GDF6: variants seen among roughly 807,000 people sequenced by gnomAD.
GDF6 encodes growth/differentiation factor 6.
In GDF6, 3 loss-of-function variants were observed where a neutral mutation model predicts 32.4. The observed-to-expected ratio is 0.09, with a 90% CI of 0.04 to 0.24. The LOEUF is 0.24. Among genes scored for constraint, GDF6 ranks in the 10% least tolerant of loss-of-function variants. The probability of loss-of-function intolerance (pLI) is 1.00; values close to 1 mark genes in which losing one functional copy is unlikely to be tolerated. For missense variants in GDF6, 589 were observed against 637.9 expected (o/e 0.92, Z 0.83); for synonymous variants, 296 against 295.3 (o/e 1.00, Z -0.03).
chr8:96,160,018 G>T (rs919866057), intron 1 of GDF6, among the ~76,000 whole-genome samples: 1 of 152,138 alleles, frequency 6.6e-6, no homozygotes, highest in Non-Finnish European at 1.5e-5. Flanking sequence ...ACCAACAAGC[G>T]GCAACCACGC....
At chr8:96,155,849 A>G (rs1812652149) in intron 1 of GDF6, among the ~76,000 whole-genome samples, 1 of 152,214 alleles carries the variant, frequency 6.6e-6, no homozygotes, top group Non-Finnish European at 1.5e-5. Flanking sequence ...ACAACAGGGT[A>G]CCGGCAAAAG....
In GDF6 at chr8:96,144,242, AATAGAGAGAGAGAG is replaced by A. The variant is rs1359410494; in HGVS notation, c.*307_*320del. The A allele has an allele frequency of 6.3e-5, 12 of 190,070 alleles. No homozygotes were observed. Among genetic ancestry groups the A allele is most frequent in the African/African-American group, 6.3e-4 (11 of 17,438 alleles). 11.8% of individuals were successfully genotyped at this position (190,070 alleles called of 1,614,324 possible). On this transcript the variant is annotated 3_prime_UTR_variant, in exon 2 of 2. Coordinates refer to ENST00000287020, the MANE Select transcript of GDF6 (RefSeq NM_001001557.4). The surrounding 1 kb of genome is among the most constrained non-coding windows in gnomAD (Gnocchi z 5.1). ...ACATAAGGAAATCCAAAGCCACAGT[AATAGAGAGAGAGAG>A]AGAGAGAGAGAGAGAGAGAGAGAGA...
In GDF6 at chr8:96,145,909, T is replaced by C. The variant is rs181162573; in HGVS notation, c.407-385A>G. ...TCTGGGCTGGGCTGGCTCGTTCTCG[T>C]TGACGTCTCAAATGTCACCTCCTCC... On this transcript the variant is annotated intron_variant, in intron 1 of 1. Coordinates refer to ENST00000287020, the MANE Select transcript of GDF6 (RefSeq NM_001001557.4). This position sits in a 1 kb window ranked among gnomAD's most constrained non-coding sequence, Gnocchi z 5.6. Among the ~76,000 whole-genome samples, 545 of 152,338 alleles carry C rather than the reference T, an allele frequency of 3.6e-3. 3 individuals carry two copies. Among genetic ancestry groups the C allele is most frequent in the Non-Finnish European group, 4.6e-3 (316 of 68,036 alleles).
intron 1 of GDF6, among the ~76,000 whole-genome samples, chr8:96,146,576 C>A (rs1176996925): frequency 6.6e-6 from 1 of 152,208 alleles, no homozygotes; most frequent in Non-Finnish European, 1.5e-5. Context: ...CAAACACACA[C>A]ACCTTGCATC....
In GDF6 at chr8:96,160,806, C is replaced by A. The variant is rs1314006802; in HGVS notation, c.-114G>T. The A allele has an allele frequency of 7.8e-5, 75 of 965,920 alleles. No individual in the cohort carries two copies. Among genetic ancestry groups the A allele is most frequent in the Non-Finnish European group, 1.1e-4 (74 of 667,766 alleles). 59.8% of individuals were successfully genotyped at this position (965,920 alleles called of 1,614,324 possible). On this transcript the variant is annotated 5_prime_UTR_variant, in exon 1 of 2. Transcript: ENST00000287020. ...CGGCTCCTCGGGCGGACTCGGAGTG[C>A]GAGGAGCCGGGTCCCAGCCACACAA... is the stretch of plus-strand genomic sequence containing the variant.
Position 96,144,411 on chromosome 8 carries a change from C to G in GDF6, c.*152G>C, listed in dbSNP as rs1812431214. The G allele has an allele frequency of 1.1e-6, 1 of 878,194 alleles. No individual in the cohort carries two copies. The highest frequency in any genetic ancestry group is 1.7e-6 in the Non-Finnish European group (1 of 583,628). The allele number at this position is 878,194 out of a possible 1,614,324, so 54.4% of individuals were successfully genotyped here. A position where few individuals can be genotyped will look rare whatever the true frequency, so the allele number is the denominator to read the frequency against. ...GTTACTGGGAAGGCTGCGCTCCCTT[C>G]TCTCCCACCGGCTCTCACATCCAGG... On this transcript the variant is annotated 3_prime_UTR_variant, in exon 2 of 2. Transcript: ENST00000287020. The surrounding 1 kb of genome is among the most constrained non-coding windows in gnomAD (Gnocchi z 5.1).
chr8:96,158,291 G>C (rs76075842), intron 1 of GDF6, among the ~76,000 whole-genome samples: 6,943 of 152,260 alleles, frequency 0.046, 182 homozygotes, highest in Middle Eastern at 0.11. Context: ...CTCCAGGATC[G>C]GGGGCATACA....
Position 96,144,279 on chromosome 8 carries a change from A to AGAGAGAGAGAGAGAGAGAGG in GDF6, c.*283_*284insCCTCTCTCTCTCTCTCTCTC. 1 of 481,106 alleles carries AGAGAGAGAGAGAGAGAGAGG rather than the reference A, an allele frequency of 2.1e-6. No individual in the cohort carries two copies. Among genetic ancestry groups the AGAGAGAGAGAGAGAGAGAGG allele is most frequent in the Non-Finnish European group, 3.8e-6 (1 of 265,272 alleles). The allele number at this position is 481,106 out of a possible 1,614,324, so 29.8% of individuals were successfully genotyped here. ...GAGAGAGAGAGAGAGAGAGAGAGAG[A>AGAGAGAGAGAGAGAGAGAGG]GAGAGAGAGAGAAAACAGAACAAAA... On this transcript the variant is annotated 3_prime_UTR_variant, in exon 2 of 2. Coordinates refer to ENST00000287020, the MANE Select transcript of GDF6 (RefSeq NM_001001557.4). This position sits in a 1 kb window ranked among gnomAD's most constrained non-coding sequence, Gnocchi z 5.1.
intron 1 of GDF6, among the ~76,000 whole-genome samples, chr8:96,155,059 G>A (rs1423013499): frequency 6.6e-6 from 1 of 152,212 alleles, no homozygotes; most frequent in African/African-American, 2.4e-5. Context: ...GGCCTGTCGT[G>A]ATCTGTGGTC....
At chr8:96,151,370 A>G (rs1812565986) in intron 1 of GDF6, among the ~76,000 whole-genome samples, 1 of 152,154 alleles carries the variant, frequency 6.6e-6, no homozygotes, top group African/African-American at 2.4e-5. Flanking sequence ...AATTCTCAAA[A>G]CCACTTCTGA....
At chr8:96,155,465 T>G (rs1258088596) in intron 1 of GDF6, among the ~76,000 whole-genome samples, 1 of 152,164 alleles carries the variant, frequency 6.6e-6, no homozygotes, top group Admixed American at 6.5e-5. Context: ...CAAAACAAAC[T>G]TCCAATTTAA....
chr8:96,152,346 C>T (rs1428207550), intron 1 of GDF6, among the ~76,000 whole-genome samples: 1 of 152,214 alleles, frequency 6.6e-6, no homozygotes, highest in African/African-American at 2.4e-5. Flanking sequence ...TGCAGGTTTC[C>T]TCTTCTGCAG....
chr8:96,151,847 T>C (rs1164389464), intron 1 of GDF6, among the ~76,000 whole-genome samples: 1 of 152,130 alleles, frequency 6.6e-6, no homozygotes, highest in Non-Finnish European at 1.5e-5. Flanking sequence ...TTAGACTGGG[T>C]CGCATAATCT....
chr8:96,145,391 T>G lies in GDF6; in HGVS notation c.540A>C (p.Pro180=). 1 of 1,577,936 alleles carries G rather than the reference T, an allele frequency of 6.3e-7. No individual in the cohort carries two copies. Among genetic ancestry groups the G allele is most frequent in the East Asian group, 2.3e-5 (1 of 44,244 alleles). The change falls in exon 2 of 2, where the codon CCA becomes CCC. Residue 180 remains proline (P), a synonymous_variant. Coordinates refer to ENST00000287020, the MANE Select transcript of GDF6 (RefSeq NM_001001557.4). The surrounding 1 kb of genome is among the most constrained non-coding windows in gnomAD (Gnocchi z 5.6). ...AGAGCTGCACGTGGAGCGGCCCGGC[T>G]GGTGGCCCCCAGGGCGCTGAGGGCG... ...RQAPSAPWGP[P]AGPLHVQLFP...
intron 1 of GDF6, among the ~76,000 whole-genome samples, chr8:96,148,365 C>A (rs1020843679): frequency 2.0e-5 from 3 of 152,198 alleles, no homozygotes; most frequent in African/African-American, 7.2e-5. Context: ...CCAGACCCTG[C>A]AAGTGAGCTC....
At chr8:96,158,905 C>G (rs1812714359) in intron 1 of GDF6, among the ~76,000 whole-genome samples, 1 of 151,932 alleles carries the variant, frequency 6.6e-6, no homozygotes, top group Non-Finnish European at 1.5e-5. Context: ...CCTCGCTGAC[C>G]TCGGGCTGCA....
chr8:96,160,155 A>T, intron 1 of GDF6, 132 bp downstream of exon 1: 2 of 982,716 alleles, frequency 2.0e-6, no homozygotes, highest in Non-Finnish European at 1.6e-6. Context: ...CTTGAGAAAA[A>T]CAATTTAAGA....
At position 96,145,177 on chromosome 8, in the gene GDF6, G is replaced by T; in HGVS notation, c.754C>A (p.Pro252Thr). 1 of 1,498,766 alleles carries T rather than the reference G, an allele frequency of 6.7e-7. No individual in the cohort carries two copies. The highest frequency in any genetic ancestry group is 8.8e-7 in the Non-Finnish European group (1 of 1,131,752). 92.8% of individuals were successfully genotyped at this position (1,498,766 alleles called of 1,614,324 possible). Residue 252 changes from proline (P) to threonine (T), a missense_variant, in exon 2 of 2, where the codon CCC (proline) becomes ACC (threonine). Around this residue, in one of 2 missense-constraint regions of GDF6, gnomAD observed 436 missense variants for 411.2 expected, o/e 1.06. Transcript: ENST00000287020. The surrounding 1 kb of genome is among the most constrained non-coding windows in gnomAD (Gnocchi z 5.6). ...AGGTCCGGGGGCGGCGGTTGCTGGGGTCCCCGCGCGCGCGCCTCGGCCTCC... is the reference window on the plus strand; with the variant it reads ...AGGTCCGGGGGCGGCGGTTGCTGGGTTCCCCGCGCGCGCGCCTCGGCCTCC... ...AGEAEARARG[P>T]QQPPPPDLRS...
Position 96,145,173 on chromosome 8 carries a change from T to A in GDF6, c.758A>T (p.Gln253Leu), listed in dbSNP as rs121909355. The A allele has an allele frequency of 4.0e-6, 6 of 1,499,556 alleles. No homozygotes were observed. In the South Asian group the frequency reaches 6.3e-5, roughly 16 times the overall value. 92.9% of individuals were successfully genotyped at this position (1,499,556 alleles called of 1,614,324 possible). Residue 253 changes from glutamine (Q) to leucine (L), a missense_variant, in exon 2 of 2, where the codon CAG becomes CTG. By Grantham distance (113) the Gln-to-Leu change is moderately radical. Around this residue, in one of 2 missense-constraint regions of GDF6, gnomAD observed 436 missense variants for 411.2 expected, o/e 1.06. Coordinates refer to ENST00000287020, the MANE Select transcript of GDF6 (RefSeq NM_001001557.4). This position sits in a 1 kb window ranked among gnomAD's most constrained non-coding sequence, Gnocchi z 5.6. ...GEAEARARGPQQPPPPDLRSL... is the reference protein window; with the variant it reads ...GEAEARARGPLQPPPPDLRSL... ...CCGCAGGTCCGGGGGCGGCGGTTGCTGGGGTCCCCGCGCGCGCGCCTCGGC... is the reference window on the plus strand; with the variant it reads ...CCGCAGGTCCGGGGGCGGCGGTTGCAGGGGTCCCCGCGCGCGCGCCTCGGC...
Sources: gnomAD v4.1 joint callset for allele counts (sites outside exome capture counted in the v4.1 genomes callset) on GRCh38, gnomAD v4.1.1 for gene constraint, gnomAD v4.1.1 regional missense constraint, Gnocchi (gnomAD v3.1) non-coding constraint, MANE v1.5 for transcripts, NCBI Gene and HGNC (gene_info 2026-07-23, HGNC 2026-07-21) for gene names.